Variants in ALG1L2 observed in about 807,000 individuals in gnomAD.
The protein encoded by ALG1L2 is ALG1 chitobiosyldiphosphodolichol beta-mannosyltransferase like 2, also known as putative glycosyltransferase ALG1L2.
In ALG1L2, 32 loss-of-function variants were observed where a neutral mutation model predicts 29.0. The ratio of observed to expected loss-of-function variants is 1.10; its 90% CI spans 0.83 to 1.48. The LOEUF (loss-of-function observed/expected upper bound fraction) is 1.48. Ranked by LOEUF, ALG1L2 falls within the 40% of genes most tolerant of loss-of-function variation. The probability of loss-of-function intolerance (pLI) is 0.00; values close to 1 mark genes in which losing one functional copy is unlikely to be tolerated. For synonymous variants in ALG1L2, 110 were observed against 109.5 expected, an observed-to-expected ratio of 1.00 and a Z score of -0.03; for missense variants, 318 against 274.1, an observed-to-expected ratio of 1.16 and a Z score of -1.13.
intron 1 of ALG1L2, among the ~76,000 whole-genome samples, chr3:130,087,613 G>T (rs1934919625): frequency 7.4e-6 from 1 of 135,670 alleles, no homozygotes; most frequent in Admixed American, 7.7e-5. Context: ...AGGGGTAAAG[G>T]ATAACTCTTC....
At chr3:130,095,827 A>C (rs1935117265) in intron 5 of ALG1L2, among the ~76,000 whole-genome samples, 1 of 152,184 alleles carries the variant, frequency 6.6e-6, no homozygotes, top group Non-Finnish European at 1.5e-5. Flanking sequence ...AACAACAAAA[A>C]AATCAAATTG....
chr3:130,096,282 A>G lies in ALG1L2; in HGVS notation c.539+119A>G, dbSNP rs561492412. 2,347 of 1,122,536 alleles carry G rather than the reference A, an allele frequency of 2.1e-3. 5 individuals carry two copies. Among genetic ancestry groups the G allele is most frequent in the Non-Finnish European group, 2.9e-3 (2,238 of 781,102 alleles). The allele number at this position is 1,122,536 out of a possible 1,614,324, so 69.5% of individuals were successfully genotyped here. On this transcript the variant is annotated intron_variant, in intron 6 of 7. Transcript: ENST00000425059. ...CTGCCCCTCGGTCAGTCCAGCACACACTGGAGGCCACGAGGAGGAGCCCTG... is the reference window on the plus strand; with the variant it reads ...CTGCCCCTCGGTCAGTCCAGCACACGCTGGAGGCCACGAGGAGGAGCCCTG...
At chr3:130,089,658 T>C (rs1218236974) in intron 1 of ALG1L2, among the ~76,000 whole-genome samples, 1 of 152,306 alleles carries the variant, frequency 6.6e-6, no homozygotes, top group Non-Finnish European at 1.5e-5. Flanking sequence ...ATTACACATG[T>C]GGATTACATT....
chr3:130,087,832 C>G (rs1320891406), intron 1 of ALG1L2, among the ~76,000 whole-genome samples: 8 of 97,336 alleles, frequency 8.2e-5, no homozygotes, highest in Non-Finnish European at 1.8e-4. Context: ...AGGATCATCT[C>G]AGAAGCTCTG....
rs183271023 is a variant in ALG1L2, at chr3:130,083,368, C to T, written c.20+1332C>T. ...CTAAGGCAGGAGAATGGTCTGAACC[C>T]GGGAGGCAGAGGTTGCAGTGAGCTG... On this transcript the variant is annotated intron_variant, in intron 1 of 7. Coordinates refer to ENST00000425059, the MANE Select transcript of ALG1L2 (RefSeq NM_001136152.1). Among the ~76,000 whole-genome samples the T allele has an allele frequency of 6.2e-5, 8 of 128,760 alleles. 3 individuals carry two copies. The highest frequency in any genetic ancestry group is 5.0e-4 in the Admixed American group (6 of 12,078). 84.5% of individuals were successfully genotyped at this position (128,760 alleles called of 152,430 possible).
chr3:130,091,804 G>A (rs866223310), intron 2 of ALG1L2: 1 of 633,360 alleles, frequency 1.6e-6, no homozygotes, highest in Non-Finnish European at 2.9e-6. Context: ...GGTAAGCTGG[G>A]GTGGTGTGGG....
intron 3 of ALG1L2, 72 bp from the exon 4 acceptor site, chr3:130,093,029 G>GA (rs71158104): frequency 0.036 from 36,303 of 999,114 alleles, 7 homozygotes; most frequent in East Asian, 0.1. Flanking sequence ...GAGTCTGTCA[G>GA]AAAAAAAAAA....
chr3:130,092,135 G>T lies in ALG1L2; in HGVS notation c.166G>T (p.Ala56Ser), dbSNP rs1475747308. ...TGAGGACCCAGACACAGAGCGGTCG[G>T]CCTTCACGGAGCGGGATTCTGGGAG... ...EPEDPDTERS[A>S]FTERDSGSGL... Residue 56 changes from alanine to serine, a missense_variant, in exon 3 of 8, where the codon GCC becomes TCC. Transcript: ENST00000425059. 2 of 1,613,624 alleles carry T rather than the reference G, an allele frequency of 1.2e-6. No individual in the cohort carries two copies. Among genetic ancestry groups the T allele is most frequent in the African/African-American group, 2.7e-5 (2 of 75,050 alleles).
intron 3 of ALG1L2, 73 bp downstream of exon 3, chr3:130,092,295 G>A: frequency 6.3e-7 from 1 of 1,586,194 alleles, no homozygotes; most frequent in South Asian, 1.1e-5. Flanking sequence ...CCTCACCCCT[G>A]CCAGTCCTGC....
chr3:130,085,171 G>T (rs36148658), intron 1 of ALG1L2, among the ~76,000 whole-genome samples: 8,302 of 83,626 alleles, frequency 0.099, 141 homozygotes, highest in Non-Finnish European at 0.14. Context: ...TGTTGGCCAG[G>T]CTGGTCTTGA....
At chr3:130,082,672 C>A (rs1934813385) in intron 1 of ALG1L2, among the ~76,000 whole-genome samples, 1 of 146,314 alleles carries the variant, frequency 6.8e-6, no homozygotes, top group Admixed American at 7.0e-5. Flanking sequence ...TCCAATGGGG[C>A]AATAGAACAC....
At position 130,096,055 on chromosome 3, in the gene ALG1L2, T is replaced by G. The variant is rs763938957; in HGVS notation, c.431T>G (p.Val144Gly). The G allele has an allele frequency of 6.2e-7, 1 of 1,609,322 alleles. No individual in the cohort carries two copies. Among genetic ancestry groups the G allele is most frequent in the Non-Finnish European group, 8.5e-7 (1 of 1,178,922 alleles). Residue 144 changes from valine to glycine, a missense_variant, in exon 6 of 8, where the codon GTG becomes GGG. Transcript: ENST00000425059. ...GRGLPPLLGS[V>G]DLDVCLDTSS... ...CACCCCTCTTGCCTAGCAGGGTCGG[T>G]GGACCTGGATGTCTGTCTGGACACG...
intron 1 of ALG1L2, chr3:130,089,499 A>AAAAAACAAAAAAC (rs1934963337): frequency 6.6e-6 from 1 of 151,600 alleles, no homozygotes; most frequent in African/African-American, 2.4e-5. Flanking sequence ...AAAAAAAGAA[A>AAAAAACAAAAAAC]AAAAAAAGAA....
chr3:130,093,170 G>A lies in ALG1L2; in HGVS notation c.313+10G>A, dbSNP rs1935057099. 3 of 1,611,246 alleles carry A rather than the reference G, an allele frequency of 1.9e-6. No individual in the cohort carries two copies. The highest frequency in any genetic ancestry group is 2.2e-5 in the South Asian group (2 of 90,976). On this transcript the variant is annotated intron_variant, in intron 4 of 7. Coordinates refer to ENST00000425059, the MANE Select transcript of ALG1L2 (RefSeq NM_001136152.1). ...GTCTGTGTGATAACAGGTACTGCCTGGGACCCTGGGTGTCTGTTTGGTTGG... is the reference window on the plus strand; with the variant it reads ...GTCTGTGTGATAACAGGTACTGCCTAGGACCCTGGGTGTCTGTTTGGTTGG...
In ALG1L2 at chr3:130,094,418, G is replaced by C; in HGVS notation, c.329G>C (p.Arg110Thr). 6.3e-7 allele frequency: 1 copy of C among 1,596,128 alleles called. No individual in the cohort carries two copies. Among genetic ancestry groups the C allele is most frequent in the Non-Finnish European group, 8.5e-7 (1 of 1,179,486 alleles). Reference sequence around the variant, plus strand: ...CTCTGTGAAGGCAAAGGGCCTCTGAGGGAGTATTACAGCCGCCTCATCCAC... The same window carrying C: ...CTCTGTGAAGGCAAAGGGCCTCTGACGGAGTATTACAGCCGCCTCATCCAC... The part of the protein sequence containing the change: ...VCVITGKGPL[R>T]EYYSRLIHQK... Residue 110 changes from arginine to threonine, a missense_variant, in exon 5 of 8, where the codon AGG (arginine) becomes ACG (threonine). By Grantham distance (71) the Arg-to-Thr change is moderately conservative (BLOSUM62 -1). Coordinates refer to ENST00000425059, the MANE Select transcript of ALG1L2 (RefSeq NM_001136152.1).
chr3:130,098,264 G>T lies in ALG1L2; in HGVS notation c.*9G>T. ...TTCTCAAACTTTCCTGATCCTGAAGGCAAGCTAAACCAGTTCCGGAAGAAC... is the reference window on the plus strand; with the variant it reads ...TTCTCAAACTTTCCTGATCCTGAAGTCAAGCTAAACCAGTTCCGGAAGAAC... On this transcript the variant is annotated 3_prime_UTR_variant, in exon 8 of 8. Transcript: ENST00000425059. 1 of 1,596,444 alleles carries T rather than the reference G, an allele frequency of 6.3e-7. No individual in the cohort carries two copies. Among genetic ancestry groups the T allele is most frequent in the Non-Finnish European group, 8.5e-7 (1 of 1,179,776 alleles).
intron 1 of ALG1L2, among the ~76,000 whole-genome samples, chr3:130,085,302 G>T (rs1484415982): frequency 6.7e-6 from 1 of 149,776 alleles, no homozygotes. Flanking sequence ...TTGCTATGTT[G>T]GCCAGGTTGG....
At chr3:130,091,880 G>A in intron 2 of ALG1L2, 5 of 793,400 alleles carry the variant, frequency 6.3e-6, no homozygotes, top group Non-Finnish European at 1.1e-5. Flanking sequence ...GTGGAGAAAA[G>A]GAATTAGTCA....
intron 6 of ALG1L2, 36 bp downstream of exon 6, chr3:130,096,199 T>C: frequency 6.2e-7 from 1 of 1,604,712 alleles, no homozygotes; most frequent in East Asian, 2.2e-5. Context: ...TGGGGATAGC[T>C]TCACAGATCC....
Sources: gnomAD v4.1 joint callset for allele counts (sites outside exome capture counted in the v4.1 genomes callset) on GRCh38, gnomAD v4.1.1 for gene constraint, MANE v1.5 for transcripts, NCBI Gene and HGNC (gene_info 2026-07-23, HGNC 2026-07-21) for gene names.